GLB1L3: variants seen among roughly 807,000 people sequenced by gnomAD.
GLB1L3 encodes the protein beta-galactosidase-1-like protein 3.
In GLB1L3, 89 loss-of-function variants were observed where a neutral mutation model predicts 89.5. The observed-to-expected ratio is 0.99, with a 90% confidence interval of 0.84 to 1.19. The LOEUF is 1.19. GLB1L3 is among the 50% of genes most tolerant of loss of function. The pLI, the probability that GLB1L3 is intolerant of heterozygous loss-of-function variation, is 0.00. For synonymous variants in GLB1L3, 314 were observed against 312.3 expected (o/e 1.01, Z -0.06); for missense variants, 812 against 813.3 (o/e 1.00, Z 0.02).
chr11:134,312,987 T>A, intron 15 of GLB1L3, 100 bp downstream of exon 15: 1 of 856,338 alleles, frequency 1.2e-6, no homozygotes, highest in Non-Finnish European at 1.9e-6. Flanking sequence ...CCCCTGCTGC[T>A]GGTGCTGCTG....
intron 7 of GLB1L3, among the ~76,000 whole-genome samples, chr11:134,291,106 A>G (rs1008407304): frequency 1.3e-5 from 2 of 151,878 alleles, no homozygotes; most frequent in East Asian, 1.9e-4. Flanking sequence ...ATCTCACCCA[A>G]CTGAACCATG....
chr11:134,305,333 G>C (rs1457382260), intron 9 of GLB1L3: 1 of 487,866 alleles, frequency 2.0e-6, no homozygotes, highest in African/African-American at 2.0e-5. Context: ...TCTTACTTAG[G>C]AGAAATTTGT....
chr11:134,322,695 T>G (rs951001958), downstream of GLB1L3, among the ~76,000 whole-genome samples: 103 of 152,212 alleles, frequency 6.8e-4, 2 homozygotes, highest in Non-Finnish European at 2.2e-4. Flanking sequence ...TTTGGCTTCT[T>G]TCATGTAGCT....
chr11:134,301,854 A>G (rs564347730), intron 9 of GLB1L3, among the ~76,000 whole-genome samples: 3 of 152,128 alleles, frequency 2.0e-5, no homozygotes, highest in Non-Finnish European at 4.4e-5. Context: ...GTATGTTTAG[A>G]AGTTAATTTT....
intron 11 of GLB1L3, chr11:134,310,103 A>G: frequency 2.5e-6 from 1 of 403,272 alleles, no homozygotes; most frequent in East Asian, 4.7e-5. Flanking sequence ...AGCAAAGAAA[A>G]GAGTACCCGT....
chr11:134,323,665 A>G (rs1402644448), downstream of GLB1L3, among the ~76,000 whole-genome samples: 1 of 152,148 alleles, frequency 6.6e-6, no homozygotes, highest in Non-Finnish European at 1.5e-5. Context: ...GGTGTCATGG[A>G]AGAATAACTT....
At chr11:134,310,476 A>G in intron 11 of GLB1L3, 95 bp from the exon 12 acceptor site, 1 of 857,526 alleles carries the variant, frequency 1.2e-6, no homozygotes, top group South Asian at 1.5e-5. Context: ...CTTTTGTCTC[A>G]CTCACGGTGG....
chr11:134,303,556 C>T (rs140822810), intron 9 of GLB1L3, among the ~76,000 whole-genome samples: 2 of 152,120 alleles, frequency 1.3e-5, no homozygotes, highest in African/African-American at 4.8e-5. Context: ...AGTACTGAGT[C>T]CCCTGCAGTC....
At chr11:134,296,292 C>T (rs1428602196) in intron 9 of GLB1L3, among the ~76,000 whole-genome samples, 5 of 141,482 alleles carry the variant, frequency 3.5e-5, no homozygotes, top group African/African-American at 5.4e-5. Flanking sequence ...GGCGATTCCT[C>T]AGGGATCTAG....
Position 134,312,397 on chromosome 11 carries a change from A to G in GLB1L3, c.1336A>G (p.Asn446Asp). 11 of 1,613,724 alleles carry G rather than the reference A, an allele frequency of 6.8e-6. No homozygotes were observed. Among genetic ancestry groups the G allele is most frequent in the Non-Finnish European group, 8.5e-6 (10 of 1,179,808 alleles). ...PVNMENLPIN[N>D]GSGQSYGLVL... is the part of the protein sequence containing the mutation. The stretch of plus-strand genomic sequence containing the variant: ...CAACATGGAGAACCTTCCCATAAAC[A>G]ATGGGAGCGGCCAGTCCTACGGGCT... Residue 446 changes from asparagine to aspartate, a missense_variant, in exon 14 of 20, where the codon AAT (asparagine) becomes GAT (aspartate). By Grantham distance (23) the Asn-to-Asp change is conservative. This residue lies in a region of GLB1L3 where 618 missense variants were observed against 604.0 expected (regional missense o/e 1.02). Transcript: ENST00000431683.
chr11:134,296,862 T>TAA (rs891355190), intron 9 of GLB1L3, among the ~76,000 whole-genome samples: 15 of 131,762 alleles, frequency 1.1e-4, no homozygotes, highest in African/African-American at 4.1e-4. Context: ...ATAATAATAA[T>TAA]AAAAACAAAC....
At chr11:134,290,916 G>T (rs1221678842) in intron 7 of GLB1L3, among the ~76,000 whole-genome samples, 1 of 152,048 alleles carries the variant, frequency 6.6e-6, no homozygotes, top group Non-Finnish European at 1.5e-5. Flanking sequence ...GGCATTTCCT[G>T]GTAAACTCAG....
At chr11:134,295,856 ACTTT>A (rs1941607893) in intron 9 of GLB1L3, among the ~76,000 whole-genome samples, 1 of 152,000 alleles carries the variant, frequency 6.6e-6, no homozygotes, top group African/African-American at 2.4e-5. Context: ...TTCCCTTGAG[ACTTT>A]CTTTATTCCA....
intron 8 of GLB1L3, chr11:134,292,847 G>T: frequency 2.0e-6 from 1 of 497,424 alleles, no homozygotes; most frequent in South Asian, 2.2e-5. Context: ...CTGAGCTTGG[G>T]GCCAGGAAGC....
chr11:134,318,777 C>T lies in GLB1L3; in HGVS notation c.1896+30C>T, dbSNP rs758736219. 7 of 1,555,340 alleles carry T rather than the reference C, an allele frequency of 4.5e-6. No individual in the cohort carries two copies. The Admixed American group carries it at 5.0e-5, about 11-fold the overall frequency. On this transcript the variant is annotated intron_variant, in intron 19 of 19. Coordinates refer to ENST00000431683, the MANE Select transcript of GLB1L3 (RefSeq NM_001080407.3). ...GTCACTCCAGTCTCTGCCTTGAGAT[C>T]TCATAAACTTTCAGATCAAAATGTG...
At chr11:134,298,959 T>C (rs1364221173) in intron 9 of GLB1L3, among the ~76,000 whole-genome samples, 1 of 152,212 alleles carries the variant, frequency 6.6e-6, no homozygotes, top group Non-Finnish European at 1.5e-5. Flanking sequence ...TTAGACCACT[T>C]AGTGTGGTCT....
At chr11:134,282,295 C>CGGTGGCG (rs1565389582) in intron 5 of GLB1L3, among the ~76,000 whole-genome samples, 175 bp downstream of exon 5, 1 of 152,114 alleles carries the variant, frequency 6.6e-6, no homozygotes, top group African/African-American at 2.4e-5. Context: ...TGCGGTACTG[C>CGGTGGCG]GGTGGCGGGG....
At chr11:134,308,217 TCACCATCACCACCACCAC>T (rs1565412429) in intron 10 of GLB1L3, among the ~76,000 whole-genome samples, 189 of 31,414 alleles carry the variant, frequency 6.0e-3, no homozygotes, top group Middle Eastern at 0.013. Context: ...ACCACCACCA[TCACCATCACCACCACCAC>T]CATCACCATC....
chr11:134,312,928 T>A, intron 15 of GLB1L3, 41 bp downstream of exon 15: 1 of 1,331,580 alleles, frequency 7.5e-7, no homozygotes, highest in Non-Finnish European at 1.1e-6. Context: ...TCGACCCCCC[T>A]CAAATGCAGA....
Sources: allele counts gnomAD v4.1 joint callset (sites outside exome capture counted in the v4.1 genomes callset), GRCh38; gene constraint gnomAD v4.1.1; regional missense constraint gnomAD v4.1.1; transcripts MANE v1.5; gene names NCBI Gene and HGNC (gene_info 2026-07-23, HGNC 2026-07-21).